TBCK: variants seen among roughly 807,000 people sequenced by gnomAD.
The protein encoded by TBCK is TBC domain-containing protein kinase-like protein.
In TBCK, 99 loss-of-function variants were observed where a neutral mutation model predicts 113.4. That is an observed-to-expected ratio of 0.87 (90% confidence interval 0.74 to 1.03). The LOEUF is 1.03. TBCK is among the 50% of genes least tolerant of loss of function. TBCK has a pLI of 0.00. For synonymous variants in TBCK, 369 were observed against 370.8 expected (o/e 1.00, Z 0.05); for missense variants, 1,045 against 1,061.3 (o/e 0.98, Z 0.21).
At chr4:106,281,887 T>C (rs918081773) in intron 3 of TBCK, among the ~76,000 whole-genome samples, 2 of 152,132 alleles carry the variant, frequency 1.3e-5, no homozygotes, top group Non-Finnish European at 2.9e-5. Context: ...TGTCTTTTTC[T>C]GGTTTGGGTA....
intron 24 of TBCK, among the ~76,000 whole-genome samples, chr4:106,102,320 G>C (rs6844105): frequency 0.29 from 44,140 of 151,998 alleles, 6,544 homozygotes; most frequent in South Asian, 0.42. Flanking sequence ...TGTGCTGCTT[G>C]TCTCCTACAA....
At chr4:106,098,591 C>G (rs759594771) in intron 24 of TBCK, among the ~76,000 whole-genome samples, 38 of 151,884 alleles carry the variant, frequency 2.5e-4, no homozygotes, top group Non-Finnish European at 5.6e-4. Context: ...AACATCATTA[C>G]AGAAGTCAGC....
At chr4:106,112,713 T>A (rs1484662593) in intron 24 of TBCK, among the ~76,000 whole-genome samples, 1 of 152,172 alleles carries the variant, frequency 6.6e-6, no homozygotes, top group Non-Finnish European at 1.5e-5. Context: ...CACATCCTAT[T>A]TTTATCATAC....
At chr4:106,190,022 C>T (rs974136543) in intron 22 of TBCK, among the ~76,000 whole-genome samples, 1 of 152,166 alleles carries the variant, frequency 6.6e-6, no homozygotes, top group Non-Finnish European at 1.5e-5. Flanking sequence ...AACTGCCTAA[C>T]TCCCTGTTTT....
At chr4:106,216,114 C>T (rs1756878399) in intron 19 of TBCK, among the ~76,000 whole-genome samples, 1 of 152,188 alleles carries the variant, frequency 6.6e-6, no homozygotes, top group Non-Finnish European at 1.5e-5. Flanking sequence ...TCCTGAATGA[C>T]TACTGGGTAC....
chr4:106,093,016 A>G (rs1252944281), intron 25 of TBCK, among the ~76,000 whole-genome samples: 2 of 152,210 alleles, frequency 1.3e-5, no homozygotes, highest in Admixed American at 6.5e-5. Context: ...GAGGGGACAA[A>G]TAGCCAAACC....
chr4:106,062,885 A>G (rs1463637281), intron 25 of TBCK, among the ~76,000 whole-genome samples: 1 of 151,908 alleles, frequency 6.6e-6, no homozygotes, highest in Admixed American at 6.6e-5. Flanking sequence ...TATTTCTAGT[A>G]AACATGTTAA....
intron 24 of TBCK, among the ~76,000 whole-genome samples, chr4:106,113,188 T>C (rs939649312): frequency 6.6e-6 from 1 of 152,174 alleles, no homozygotes; most frequent in Non-Finnish European, 1.5e-5. Flanking sequence ...TTATGCCAGC[T>C]CACAATTTCA....
rs1369719069 is a variant in TBCK at position 106,043,113 on chromosome 4, C to T, written c.*3457G>A. 1 of 152,168 alleles carries T rather than the reference C, an allele frequency of 6.6e-6. No homozygotes were observed. Among genetic ancestry groups the T allele is most frequent in the Non-Finnish European group, 1.5e-5 (1 of 68,022 alleles). The allele number at this position is 152,168 out of a possible 1,614,324, so 9.4% of individuals were successfully genotyped here. A position where few individuals can be genotyped will look rare whatever the true frequency, so the allele number is the denominator to read the frequency against. On this transcript the variant is annotated 3_prime_UTR_variant, in exon 26 of 26. Transcript: ENST00000394708. ...CCACGGGCCTAAAAGCTGTGCCTTT[C>T]AGGTCCTTTTCATTTCTGACATCAA...
At chr4:106,101,310 G>A (rs1741522607) in intron 24 of TBCK, among the ~76,000 whole-genome samples, 1 of 152,080 alleles carries the variant, frequency 6.6e-6, no homozygotes, top group African/African-American at 2.4e-5. Flanking sequence ...TTGCTCAGCA[G>A]TTGCTATCAT....
intron 25 of TBCK, among the ~76,000 whole-genome samples, chr4:106,084,688 G>GA (rs1739295526): frequency 6.6e-6 from 1 of 152,134 alleles, no homozygotes; most frequent in South Asian, 2.1e-4. Context: ...AGCAGCCAGG[G>GA]AAAAAGGCCA....
intron 25 of TBCK, among the ~76,000 whole-genome samples, chr4:106,085,045 G>T (rs1578848501): frequency 2.6e-5 from 4 of 152,160 alleles, no homozygotes; most frequent in Admixed American, 2.6e-4. Flanking sequence ...CAACTAGTAT[G>T]CAAATTAACC....
At chr4:106,212,302 C>G (rs550182315) in intron 20 of TBCK, among the ~76,000 whole-genome samples, 1 of 152,222 alleles carries the variant, frequency 6.6e-6, no homozygotes, top group South Asian at 2.1e-4. Flanking sequence ...CACGCTACAG[C>G]TAACGTTTGA....
chr4:106,247,363 G>T lies in TBCK; in HGVS notation c.783-76C>A, dbSNP rs3775090. 240,008 of 1,407,404 alleles carry T rather than the reference G, an allele frequency of 0.17. 21,867 individuals are homozygous for T. Among genetic ancestry groups the T allele is most frequent in the South Asian group, 0.25 (20,454 of 82,756 alleles). 87.2% of individuals were successfully genotyped at this position (1,407,404 alleles called of 1,614,324 possible). ...CTAGAATAATGGCATACATTCAAGA[G>T]AATGGATAAAAGTCTTAAATACCTC... On this transcript the variant is annotated intron_variant, in intron 9 of 25. Coordinates refer to ENST00000394708, the MANE Select transcript of TBCK (RefSeq NM_001163435.3).
chr4:106,208,218 A>G (rs905125357), intron 20 of TBCK, among the ~76,000 whole-genome samples: 1 of 152,144 alleles, frequency 6.6e-6, no homozygotes, highest in Non-Finnish European at 1.5e-5. Context: ...GTGTAATCCA[A>G]TCTTAAACCA....
chr4:106,299,649 CA>C (rs1766708456), intron 2 of TBCK, among the ~76,000 whole-genome samples: 1 of 152,094 alleles, frequency 6.6e-6, no homozygotes, highest in Non-Finnish European at 1.5e-5. Context: ...CAATATGAAC[CA>C]TTTTTTTAAA....
At chr4:106,254,080 T>TA (rs1761719498) in intron 5 of TBCK, among the ~76,000 whole-genome samples, 1 of 152,172 alleles carries the variant, frequency 6.6e-6, no homozygotes, top group Admixed American at 6.5e-5. Flanking sequence ...CTTTTTTTTT[T>TA]AACTTCTTTC....
chr4:106,122,572 A>C (rs911203493), intron 23 of TBCK, among the ~76,000 whole-genome samples: 6 of 152,208 alleles, frequency 3.9e-5, no homozygotes, highest in African/African-American at 1.2e-4. Flanking sequence ...GACACAGCAA[A>C]AAAAGCGAAT....
intron 1 of TBCK, among the ~76,000 whole-genome samples, chr4:106,309,257 T>A (rs148194256): frequency 6.6e-6 from 1 of 150,616 alleles, no homozygotes; most frequent in Non-Finnish European, 1.5e-5. Context: ...GTTTAAAGAG[T>A]AGAGGAAGTT....
Sources: gnomAD v4.1 joint callset for allele counts (sites outside exome capture counted in the v4.1 genomes callset) on GRCh38, gnomAD v4.1.1 for gene constraint, MANE v1.5 for transcripts, NCBI Gene and HGNC (gene_info 2026-07-23, HGNC 2026-07-21) for gene names.